Variants in TRPC5 observed in about 807,000 individuals in gnomAD.
TRPC5 encodes the protein short transient receptor potential channel 5.
Under a neutral mutation model 56.5 loss-of-function variants are expected in TRPC5, and 9 were observed. That is an observed-to-expected ratio of 0.16 (90% CI 0.10 to 0.28). The LOEUF (loss-of-function observed/expected upper bound fraction) is 0.28. TRPC5 is among the 10% of genes least tolerant of loss of function. The pLI is 1.00. For synonymous variants in TRPC5, 282 were observed against 278.5 expected, an observed-to-expected ratio of 1.01 and a Z score of -0.13; for missense variants, 469 against 748.9, an observed-to-expected ratio of 0.63 and a Z score of 4.36.
intron 1 of TRPC5, among the ~76,000 whole-genome samples, chrX:111,964,899 G>C (rs1198659656): frequency 8.9e-6 from 1 of 111,907 alleles, no homozygotes; most frequent in Non-Finnish European, 1.9e-5. Context: ...ATCAAGGCTA[G>C]GAAGAAACTG....
chrX:111,970,927 A>T (rs1426568479), intron 1 of TRPC5, among the ~76,000 whole-genome samples: 1 of 109,465 alleles, frequency 9.1e-6, no homozygotes, highest in Non-Finnish European at 1.9e-5. Flanking sequence ...ACAGGCGCCC[A>T]CCACCACGCC....
chrX:111,950,135 T>G (rs759368920), intron 2 of TRPC5, among the ~76,000 whole-genome samples: 2 of 111,053 alleles, frequency 1.8e-5, no homozygotes, highest in Non-Finnish European at 3.8e-5. Flanking sequence ...ACATCCTGGC[T>G]AACACAGTGA....
At chrX:111,967,600 G>T (rs1927635637) in intron 1 of TRPC5, among the ~76,000 whole-genome samples, 1 of 111,865 alleles carries the variant, frequency 8.9e-6, no homozygotes, top group Non-Finnish European at 1.9e-5. Flanking sequence ...AATCAAAACA[G>T]CATGGTACTG....
chrX:111,990,680 C>T (rs1186650384), intron 1 of TRPC5, among the ~76,000 whole-genome samples: 2 of 110,873 alleles, frequency 1.8e-5, no homozygotes, highest in Non-Finnish European at 3.8e-5. Flanking sequence ...CAAAGATGTT[C>T]TCTTCAGCTC....
intron 1 of TRPC5, 146 bp from the exon 2 acceptor site, chrX:111,952,587 T>A (rs1197699402): frequency 1.0e-5 from 6 of 601,834 alleles, no homozygotes; most frequent in Non-Finnish European, 1.4e-5. Flanking sequence ...CAAAGAAGTA[T>A]AACAGAAAAA....
At chrX:111,964,680 A>T (rs907404733) in intron 1 of TRPC5, among the ~76,000 whole-genome samples, 1 of 112,274 alleles carries the variant, frequency 8.9e-6, no homozygotes, top group African/African-American at 3.2e-5. Flanking sequence ...CAACACCCTT[A>T]AAGAAAAGAA....
chrX:111,874,457 G>A (rs1468385151), intron 3 of TRPC5, among the ~76,000 whole-genome samples: 1 of 111,992 alleles, frequency 8.9e-6, no homozygotes, highest in Non-Finnish European at 1.9e-5. Flanking sequence ...TGATTTTAAA[G>A]AGAGTTGTAA....
chrX:111,930,951 A>G (rs771271095), intron 2 of TRPC5: 1 of 139,722 alleles, frequency 7.2e-6, no homozygotes, highest in Non-Finnish European at 1.5e-5. Flanking sequence ...TCCATGGTTC[A>G]CTGGCCTGTG....
At chrX:112,027,747 T>C (rs1342387373) in intron 1 of TRPC5, among the ~76,000 whole-genome samples, 40 of 111,512 alleles carry the variant, frequency 3.6e-4, no homozygotes, top group Non-Finnish European at 5.7e-5. Context: ...CCACCCACCT[T>C]GGCCTCCCAA....
At chrX:111,850,271 G>C (rs373032800) in intron 5 of TRPC5, among the ~76,000 whole-genome samples, 8 of 111,743 alleles carry the variant, frequency 7.2e-5, no homozygotes, top group East Asian at 5.6e-4. Context: ...ATATATATTT[G>C]TTCCTTTTGA....
intron 1 of TRPC5, among the ~76,000 whole-genome samples, chrX:111,997,471 G>T (rs907162626): frequency 9.0e-6 from 1 of 110,609 alleles, no homozygotes; most frequent in Non-Finnish European, 1.9e-5. Context: ...TATGTCTTGG[G>T]GTTGCTCTTC....
At chrX:111,808,231 G>T (rs958958517) in intron 7 of TRPC5, among the ~76,000 whole-genome samples, 1 of 110,625 alleles carries the variant, frequency 9.0e-6, no homozygotes, top group African/African-American at 3.3e-5. Flanking sequence ...AGTTCCCCCA[G>T]TCCCCAGGTG....
At chrX:111,894,879 T>A (rs757247286) in intron 3 of TRPC5, among the ~76,000 whole-genome samples, 1 of 111,632 alleles carries the variant, frequency 9.0e-6, no homozygotes, top group East Asian at 2.8e-4. Context: ...CCCTTCCCAG[T>A]CAATAACCCC....
At chrX:111,829,507 G>A (rs957783670) in intron 7 of TRPC5, among the ~76,000 whole-genome samples, 2 of 111,653 alleles carry the variant, frequency 1.8e-5, no homozygotes, top group African/African-American at 6.5e-5. Context: ...CTCCCATCAC[G>A]GGCCCAGAGG....
intron 1 of TRPC5, among the ~76,000 whole-genome samples, chrX:112,034,373 C>T (rs1929671810): frequency 1.0e-5 from 1 of 100,093 alleles, no homozygotes; most frequent in Admixed American, 1.1e-4. Flanking sequence ...TAAATTTCTT[C>T]CTAGACATTT....
At chrX:111,997,983 C>G (rs996234220) in intron 1 of TRPC5, among the ~76,000 whole-genome samples, 3 of 111,475 alleles carry the variant, frequency 2.7e-5, no homozygotes, top group Admixed American at 9.6e-5. Flanking sequence ...CCTTCTGAAT[C>G]CTACTTCTGT....
intron 2 of TRPC5, among the ~76,000 whole-genome samples, chrX:111,936,297 T>A (rs1465699565): frequency 1.3e-4 from 15 of 111,625 alleles, no homozygotes; most frequent in Non-Finnish European, 1.9e-5. Context: ...GGGATGTTGA[T>A]TTTATATCCT....
At chrX:111,805,910 C>T (rs973260640) in intron 7 of TRPC5, among the ~76,000 whole-genome samples, 11 of 110,753 alleles carry the variant, frequency 9.9e-5, no homozygotes, top group Admixed American at 2.9e-4. Context: ...TGAGCTCAAG[C>T]GATCTGCCCA....
chrX:112,059,423 C>A (rs1930412311), intron 1 of TRPC5, among the ~76,000 whole-genome samples: 1 of 112,337 alleles, frequency 8.9e-6, no homozygotes, highest in South Asian at 3.7e-4. Context: ...TTGCTACAGT[C>A]TCTGCCACAT....
Sources: allele counts gnomAD v4.1 joint callset (sites outside exome capture counted in the v4.1 genomes callset), GRCh38; gene constraint gnomAD v4.1.1; transcripts MANE v1.5; gene names NCBI Gene and HGNC (gene_info 2026-07-23, HGNC 2026-07-21).